The following MGAM variants were observed in gnomAD, a reference collection of about 807,000 sequenced individuals.
MGAM encodes alpha-1,4-glucosidase.
Under a neutral mutation model 358.8 loss-of-function variants are expected in MGAM, and 253 were observed. The ratio of observed to expected loss-of-function variants is 0.71; its 90% CI spans 0.64 to 0.78. MGAM has a LOEUF of 0.78. Ranked by LOEUF, MGAM falls within the 30% of genes least tolerant of loss-of-function variation. The pLI is 0.00. For synonymous variants in MGAM, 1,105 were observed against 1,227.1 expected, an observed-to-expected ratio of 0.90 and a Z score of 2.08; for missense variants, 3,080 against 3,432.6, an observed-to-expected ratio of 0.90 and a Z score of 2.57.
chr7:141,997,032 G>T (rs888185608), intron 1 of MGAM, among the ~76,000 whole-genome samples: 1 of 152,154 alleles, frequency 6.6e-6, no homozygotes, highest in Non-Finnish European at 1.5e-5. Context: ...CTTAAAAAAA[G>T]TTGGATCCTT....
chr7:142,050,127 A>G lies in MGAM; in HGVS notation c.2588-108A>G, dbSNP rs541668478. On this transcript the variant is annotated intron_variant, in intron 22 of 70. Coordinates refer to ENST00000475668, the MANE Select transcript of MGAM (RefSeq NM_001365693.1). ...AATTATTCATCCATAAGGAAAAGGA[A>G]AACTGCTATGTGTGACCTCAAGGCA... is the stretch of plus-strand genomic sequence containing the variant. The G allele has an allele frequency of 1.4e-4, 142 of 1,010,328 alleles. 3 individuals are homozygous for G. In the South Asian group the frequency reaches 1.9e-3, roughly 13 times the overall value. The allele number at this position is 1,010,328 out of a possible 1,614,324, so 62.6% of individuals were successfully genotyped here.
At chr7:141,996,315 A>G (rs1804228239) in intron 1 of MGAM, among the ~76,000 whole-genome samples, 1 of 151,794 alleles carries the variant, frequency 6.6e-6, no homozygotes, top group African/African-American at 2.4e-5. Context: ...AAAAAAAAAA[A>G]GCCCTTGTTA....
At chr7:141,987,663 T>C (rs1803773073) in intron 2 of MGAM, among the ~76,000 whole-genome samples, 2 of 152,130 alleles carry the variant, frequency 1.3e-5, no homozygotes, top group South Asian at 2.1e-4. Context: ...GAAATAGCCA[T>C]CTCTGAGGTG....
chr7:142,034,223 A>C (rs1554464920), intron 14 of MGAM, 39 bp from the exon 15 acceptor site: 1 of 1,433,412 alleles, frequency 7.0e-7, no homozygotes, highest in East Asian at 2.4e-5. Context: ...GAAAATGTGC[A>C]ACTTAGGCTC....
chr7:142,096,493 G>C (rs1815925656), intron 65 of MGAM, 78 bp downstream of exon 65: 55 of 1,461,520 alleles, frequency 3.8e-5, no homozygotes, highest in Non-Finnish European at 5.1e-5. Flanking sequence ...AGAGGCCTGA[G>C]CTGGTGGGGG....
intron 2 of MGAM, among the ~76,000 whole-genome samples, chr7:142,007,055 G>A (rs1210267799): frequency 2.0e-5 from 3 of 151,944 alleles, no homozygotes; most frequent in Admixed American, 1.3e-4. Flanking sequence ...AAGCTTCACC[G>A]TGAGTTTGAT....
At chr7:142,003,890 G>A (rs1804941338) in intron 1 of MGAM, among the ~76,000 whole-genome samples, 1 of 151,734 alleles carries the variant, frequency 6.6e-6, no homozygotes, top group East Asian at 1.9e-4. Flanking sequence ...GACATGAACA[G>A]GTATTTTTCC....
chr7:142,056,269 A>C (rs552767384), intron 29 of MGAM, among the ~76,000 whole-genome samples, 173 bp downstream of exon 29: 1 of 152,234 alleles, frequency 6.6e-6, no homozygotes, highest in Non-Finnish European at 1.5e-5. Flanking sequence ...AATATCATGT[A>C]ATAAGAAGAT....
intron 47 of MGAM, 134 bp downstream of exon 47, chr7:142,076,960 A>T: frequency 9.8e-7 from 1 of 1,018,870 alleles, no homozygotes; most frequent in Non-Finnish European, 1.5e-6. Flanking sequence ...TTGAGAGGGC[A>T]CCTTTGATGC....
chr7:142,074,595 AG>A (rs1290073049), intron 45 of MGAM, among the ~76,000 whole-genome samples: 2 of 146,198 alleles, frequency 1.4e-5, no homozygotes, highest in African/African-American at 2.4e-5. Context: ...CATACGTTTT[AG>A]CATATTTGTG....
chr7:142,056,728 T>G, intron 29 of MGAM, 102 bp from the exon 30 acceptor site: 1 of 1,126,412 alleles, frequency 8.9e-7, no homozygotes, highest in Non-Finnish European at 1.3e-6. Context: ...GTTACTACTC[T>G]ATGATAGGGA....
At position 142,094,583 on chromosome 7, in the gene MGAM, C is replaced by T. The variant is rs771740789; in HGVS notation, c.7307-37C>T. 1.4e-5 allele frequency: 20 copies of T among 1,445,376 alleles called. 2 individuals carry two copies. The highest frequency in any genetic ancestry group is 2.7e-5 in the African/African-American group (2 of 73,106). The allele number at this position is 1,445,376 out of a possible 1,614,324, so 89.5% of individuals were successfully genotyped here. ...GAGGTGAGGAGGCAGGTCGTGAGAG[C>T]GAGCCTGGTGTGACACAGCTGTGCT... On this transcript the variant is annotated intron_variant, in intron 61 of 70. Transcript: ENST00000475668.
chr7:142,102,053 G>A lies in MGAM; in HGVS notation c.7964-577G>A, dbSNP rs183521775. Among the ~76,000 whole-genome samples, 4 of 152,240 alleles carry A rather than the reference G, an allele frequency of 2.6e-5. No individual in the cohort carries two copies. The South Asian group carries it at 6.2e-4, about 24-fold the overall frequency. On this transcript the variant is annotated intron_variant, in intron 68 of 70. Coordinates refer to ENST00000475668, the MANE Select transcript of MGAM (RefSeq NM_001365693.1). ...AGCTATTGACTAGTTCACCTTCACC[G>A]GCTGTGCTGAACTTCATATTCTTCC...
intron 57 of MGAM, among the ~76,000 whole-genome samples, chr7:142,088,849 CTATCTATCT>C (rs2129057173): frequency 7.0e-6 from 1 of 141,904 alleles, no homozygotes; most frequent in East Asian, 2.1e-4. Flanking sequence ...ATCTATCTAT[CTATCTATCT>C]ATCTATCTAT....
Position 142,034,371 on chromosome 7 carries a change from C to T in MGAM, c.1779C>T (p.Ala593=). 1.9e-6 allele frequency: 3 copies of T among 1,571,090 alleles called. No homozygotes were observed. Among genetic ancestry groups the T allele is most frequent in the Non-Finnish European group, 2.6e-6 (3 of 1,156,018 alleles). ...TGTATGGCTACTCCATGGCGGTCGC[C>T]ACAGCAGAGTAAGGCCACTATGGCT... is the stretch of plus-strand genomic sequence containing the variant. The part of the protein sequence containing the change: ...HNLYGYSMAV[A]TAEAAKTVFP... Residue 593 remains alanine (A), a synonymous_variant, in exon 15 of 71, where the codon GCC becomes GCT. Coordinates refer to ENST00000475668, the MANE Select transcript of MGAM (RefSeq NM_001365693.1).
chr7:142,023,285 A>G (rs1356889301), intron 7 of MGAM, among the ~76,000 whole-genome samples: 1 of 151,816 alleles, frequency 6.6e-6, no homozygotes, highest in African/African-American at 2.4e-5. Flanking sequence ...GCTGATCTCA[A>G]ACTCCTGGAC....
At chr7:142,020,159 T>C (rs1474784136) in intron 4 of MGAM, among the ~76,000 whole-genome samples, 1 of 152,036 alleles carries the variant, frequency 6.6e-6, no homozygotes, top group Non-Finnish European at 1.5e-5. Context: ...AGGCTCTCGG[T>C]ATAAAGGAGG....
chr7:142,050,801 A>T lies in MGAM; in HGVS notation c.2742A>T (p.Thr914=). The T allele has an allele frequency of 6.2e-7, 1 of 1,613,782 alleles. No homozygotes were observed. The highest frequency in any genetic ancestry group is 1.3e-5 in the African/African-American group (1 of 75,016). The stretch of plus-strand genomic sequence containing the variant: ...GGACGGAGGAACCTAGCAATGTTAC[A>T]GTGAAACACAATGGTGTCCCAAGTC... The part of the protein sequence containing the change: ...ILGTEEPSNV[T]VKHNGVPSQT... The change falls in exon 24 of 71, where the codon ACA becomes ACT. Residue 914 remains threonine, a synonymous_variant. Transcript: ENST00000475668.
intron 2 of MGAM, among the ~76,000 whole-genome samples, chr7:141,988,663 C>A (rs1293743550): frequency 1.3e-5 from 2 of 152,084 alleles, no homozygotes; most frequent in Non-Finnish European, 2.9e-5. Context: ...CCATGCATGG[C>A]CAAATGTAAA....
Sources: allele counts gnomAD v4.1 joint callset (sites outside exome capture counted in the v4.1 genomes callset), GRCh38; gene constraint gnomAD v4.1.1; transcripts MANE v1.5; gene names NCBI Gene and HGNC (gene_info 2026-07-23, HGNC 2026-07-21).